RUBCN: variants seen among roughly 807,000 people sequenced by gnomAD.
The protein encoded by RUBCN is rubicon autophagy regulator.
In RUBCN, 74 loss-of-function variants were observed where a neutral mutation model predicts 113.2. The observed-to-expected ratio is 0.65, with a 90% CI of 0.54 to 0.79. The LOEUF (loss-of-function observed/expected upper bound fraction) is 0.79. RUBCN is among the 30% of genes least tolerant of loss of function. The pLI is 0.00. For missense variants in RUBCN, 1,109 were observed against 1,251.7 expected (o/e 0.89, Z 1.72); for synonymous variants, 480 against 490.0 (o/e 0.98, Z 0.27).
At chr3:197,735,267 C>T (rs568090302) in intron 1 of RUBCN, among the ~76,000 whole-genome samples, 143 of 152,326 alleles carry the variant, frequency 9.4e-4, no homozygotes, top group Non-Finnish European at 1.6e-3. Context: ...GATGTGGTAG[C>T]TGGCACCTAT....
intron 1 of RUBCN, among the ~76,000 whole-genome samples, chr3:197,721,078 C>A (rs1170340412): frequency 6.6e-6 from 1 of 152,008 alleles, no homozygotes; most frequent in African/African-American, 2.4e-5. Context: ...TGTAGTTTTT[C>A]CTCTTGTGCC....
intron 14 of RUBCN, among the ~76,000 whole-genome samples, chr3:197,682,207 C>T (rs767147002): frequency 2.0e-5 from 3 of 152,106 alleles, no homozygotes; most frequent in Non-Finnish European, 4.4e-5. Context: ...AGAAGAAAAA[C>T]CAGCAAGCCC....
At chr3:197,704,400 C>G (rs1003871049) in intron 4 of RUBCN, 142 bp downstream of exon 4, 1 of 825,504 alleles carries the variant, frequency 1.2e-6, no homozygotes, top group Non-Finnish European at 2.1e-6. Flanking sequence ...CGCCATTGCA[C>G]TCCAGCCTGG....
At chr3:197,712,731 T>TA (rs1260173930) in intron 2 of RUBCN, among the ~76,000 whole-genome samples, 1 of 151,790 alleles carries the variant, frequency 6.6e-6, no homozygotes, top group Non-Finnish European at 1.5e-5. Context: ...AGGAGGCATG[T>TA]AAAAAAGGAG....
At chr3:197,748,102 T>A (rs1728832146) in intron 1 of RUBCN, 1 of 151,828 alleles carries the variant, frequency 6.6e-6, no homozygotes, top group Non-Finnish European at 1.5e-5. Flanking sequence ...CGGCTAATTT[T>A]TTTATTTTTT....
chr3:197,697,104 C>T, intron 7 of RUBCN, 55 bp from the exon 8 acceptor site: 3 of 882,628 alleles, frequency 3.4e-6, no homozygotes, highest in East Asian at 2.4e-5. Context: ...GCAACAGGTA[C>T]ATTCCCAACT....
In RUBCN at chr3:197,700,540, T is replaced by G. The variant is rs758317363; in HGVS notation, c.1261+73A>C. ...ACATCTCTTTCTGCCACCTGAAAAG[T>G]CCCCATAACAAGCCCTCTCTTACTC... On this transcript the variant is annotated intron_variant, in intron 7 of 19. Transcript: ENST00000296343. 2.1e-6 allele frequency: 3 copies of G among 1,456,996 alleles called. No homozygotes were observed. In the South Asian group the frequency reaches 3.4e-5, roughly 17 times the overall value. The allele number at this position is 1,456,996 out of a possible 1,614,324, so 90.3% of individuals were successfully genotyped here.
Position 197,675,802 on chromosome 3 carries a change from T to C in RUBCN, c.2647-287A>G, listed in dbSNP as rs1436809650. 6.6e-6 allele frequency among the ~76,000 whole-genome samples: 1 copy of C among 152,242 alleles called. No individual in the cohort carries two copies. Among genetic ancestry groups the C allele is most frequent in the East Asian group, 1.9e-4 (1 of 5,204 alleles). ...GGAAATGGCACCACAAAGGGCTTCC[T>C]AAGCCGACAGTCCCATCTGGGTCAT... On this transcript the variant is annotated intron_variant, in intron 18 of 19. Coordinates refer to ENST00000296343, the MANE Select transcript of RUBCN (RefSeq NM_014687.4). The surrounding 1 kb of genome is among the most constrained non-coding windows in gnomAD (Gnocchi z 4.4).
chr3:197,745,284 C>CAAA lies in RUBCN; in HGVS notation c.-116+3982_-116+3984dup, dbSNP rs35402850. On this transcript the variant is annotated intron_variant, in intron 1 of 20. Coordinates refer to the RUBCN transcript ENST00000273582. ...TGGGCAACAGAGAGAGATGCTGTCT[C>CAAA]AAAAAAAAAAAAAGAAAGAAAAGAA... Among the ~76,000 whole-genome samples, 18 of 137,674 alleles carry CAAA rather than the reference C, an allele frequency of 1.3e-4. 1 individual carries two copies. The highest frequency in any genetic ancestry group is 1.4e-4 in the Non-Finnish European group (9 of 65,128). 90.3% of individuals were successfully genotyped at this position (137,674 alleles called of 152,430 possible).
rs749115288 is a variant in RUBCN, at chr3:197,683,456, C to G, written c.1848-17G>C. On this transcript the variant is annotated splice_polypyrimidine_tract_variant and intron_variant, in intron 12 of 19. Transcript: ENST00000296343. The surrounding 1 kb of genome is among the most constrained non-coding windows in gnomAD (Gnocchi z 4.6). ...CAGTGGGAGCTGGAAAGGGGAGAATCAAGGACGGCTGAACACAGGGAAAGG... is the reference window on the plus strand; with the variant it reads ...CAGTGGGAGCTGGAAAGGGGAGAATGAAGGACGGCTGAACACAGGGAAAGG... The G allele has an allele frequency of 2.5e-6, 4 of 1,613,470 alleles. No individual in the cohort carries two copies. In the African/African-American group the frequency reaches 5.3e-5, roughly 22 times the overall value.
chr3:197,684,214 G>A lies in RUBCN; in HGVS notation c.1790C>T (p.Ala597Val), dbSNP rs760063782. 1.2e-6 allele frequency: 2 copies of A among 1,613,142 alleles called. No individual in the cohort carries two copies. Among genetic ancestry groups the A allele is most frequent in the South Asian group, 1.1e-5 (1 of 91,048 alleles). The change falls in exon 12 of 20, where the codon GCT becomes GTT. Residue 597 changes from alanine to valine, a missense_variant. Ala to Val is a moderately conservative substitution (Grantham distance 64, BLOSUM62 0). Around this residue, in one of 3 missense-constraint regions of RUBCN, gnomAD observed 736 missense variants for 779.6 expected, o/e 0.94. Transcript: ENST00000296343. ...TGAGGCTGTGTTCCTTCTGATGTCA[G>A]CATCTACATGGAAACCAGAGATAAG... ...DEVDEFEIQD[A>V]DIRRNTASSS...
At chr3:197,715,301 A>T (rs950273800) in intron 2 of RUBCN, among the ~76,000 whole-genome samples, 5 of 151,428 alleles carry the variant, frequency 3.3e-5, no homozygotes, top group African/African-American at 9.7e-5. Context: ...AAAAAAAAAA[A>T]AAAAGAAAAA....
intron 2 of RUBCN, among the ~76,000 whole-genome samples, chr3:197,706,845 C>T (rs1724354473): frequency 6.6e-6 from 1 of 152,092 alleles, no homozygotes; most frequent in African/African-American, 2.4e-5. Flanking sequence ...CTCTATACTG[C>T]GAGGGTAGAA....
At chr3:197,702,039 A>G (rs1723737681) in intron 5 of RUBCN, among the ~76,000 whole-genome samples, 175 bp from the exon 6 acceptor site, 1 of 152,214 alleles carries the variant, frequency 6.6e-6, no homozygotes, top group African/African-American at 2.4e-5. Context: ...TGTAATTTAC[A>G]ACTGTGAAAC....
rs758870176 is a variant in RUBCN, at chr3:197,677,046, G to C, written c.2493-8C>G. The C allele has an allele frequency of 6.8e-6, 11 of 1,612,654 alleles. No individual in the cohort carries two copies. In the East Asian group the frequency reaches 2.0e-4, roughly 29 times the overall value. On this transcript the variant is annotated splice_polypyrimidine_tract_variant and splice_region_variant and intron_variant, in intron 17 of 19. Coordinates refer to ENST00000296343, the MANE Select transcript of RUBCN (RefSeq NM_014687.4). ...TCAAAGGAATCCAGAAGCCTACAGG[G>C]AGTGACAGGAGGCAGGTGAGGGAAT...
At chr3:197,726,884 A>G (rs1243347637) in intron 1 of RUBCN, among the ~76,000 whole-genome samples, 1 of 151,740 alleles carries the variant, frequency 6.6e-6, no homozygotes, top group Non-Finnish European at 1.5e-5. Context: ...CATCATAGTC[A>G]TTTAAACTGA....
chr3:197,736,782 C>A lies in RUBCN; in HGVS notation c.-63G>T, dbSNP rs1728190592. Reference sequence around the variant, plus strand: ...GTCCCTGCCGCTTCGCCCTTCAGGGCTCCCGGGGCCCCCTGGGGCCGGAGG... The same window carrying A: ...GTCCCTGCCGCTTCGCCCTTCAGGGATCCCGGGGCCCCCTGGGGCCGGAGG... On this transcript the variant is annotated 5_prime_UTR_variant, in exon 1 of 20. Coordinates refer to ENST00000296343, the MANE Select transcript of RUBCN (RefSeq NM_014687.4). 4 of 1,505,274 alleles carry A rather than the reference C, an allele frequency of 2.7e-6. No individual in the cohort carries two copies. The highest frequency in any genetic ancestry group is 4.7e-4 in the Middle Eastern group (2 of 4,284). 93.2% of individuals were successfully genotyped at this position (1,505,274 alleles called of 1,614,324 possible). A position where few individuals can be genotyped will look rare whatever the true frequency, so the allele number is the denominator to read the frequency against.
chr3:197,747,259 T>C (rs1728786002), intron 1 of RUBCN, among the ~76,000 whole-genome samples: 1 of 152,062 alleles, frequency 6.6e-6, no homozygotes, highest in African/African-American at 2.4e-5. Context: ...CTCTCAGCCC[T>C]TGGGGAAACC....
At chr3:197,691,655 T>C (rs144236024) in intron 11 of RUBCN, among the ~76,000 whole-genome samples, 2 of 151,992 alleles carry the variant, frequency 1.3e-5, no homozygotes, top group Middle Eastern at 3.4e-3. Context: ...CTAACAGGAG[T>C]GTGCTTTGGG....
Sources: gnomAD v4.1 joint callset for allele counts (sites outside exome capture counted in the v4.1 genomes callset) on GRCh38, gnomAD v4.1.1 for gene constraint, gnomAD v4.1.1 regional missense constraint, Gnocchi (gnomAD v3.1) non-coding constraint, MANE v1.5 for transcripts, NCBI Gene and HGNC (gene_info 2026-07-23, HGNC 2026-07-21) for gene names.